The following ASTN1 variants were observed in gnomAD, a reference collection of about 807,000 sequenced individuals.
ASTN1 encodes the protein astrotactin-1.
Under a neutral mutation model 140.7 loss-of-function variants are expected in ASTN1, and 41 were observed. The observed-to-expected ratio is 0.29, with a 90% confidence interval of 0.23 to 0.38. ASTN1 has a LOEUF of 0.38. ASTN1 is among the 10% of genes least tolerant of loss of function. The pLI is 1.00. For synonymous variants in ASTN1, 640 were observed against 652.2 expected, an observed-to-expected ratio of 0.98 and a Z score of 0.29; for missense variants, 1,479 against 1,678.8, an observed-to-expected ratio of 0.88 and a Z score of 2.08.
chr1:177,073,720 G>C (rs938486538), intron 1 of ASTN1, among the ~76,000 whole-genome samples: 8 of 150,834 alleles, frequency 5.3e-5, no homozygotes, highest in Admixed American at 2.7e-4. Context: ...GCAGAAACAG[G>C]GAGGGTTCTA....
intron 16 of ASTN1, among the ~76,000 whole-genome samples, chr1:176,931,471 A>AAAAT (rs558409196): frequency 3.9e-5 from 6 of 152,206 alleles, no homozygotes. Context: ...TGTCTTTGAA[A>AAAAT]AAATAAATAA....
chr1:177,026,518 A>G (rs1333851728), intron 5 of ASTN1, among the ~76,000 whole-genome samples: 2 of 152,120 alleles, frequency 1.3e-5, no homozygotes, highest in South Asian at 2.1e-4. Flanking sequence ...TCTTTAGGGT[A>G]TGTTCCCAGC....
intron 20 of ASTN1, among the ~76,000 whole-genome samples, chr1:176,879,898 T>G (rs1668716240): frequency 6.6e-6 from 1 of 152,198 alleles, no homozygotes; most frequent in South Asian, 2.1e-4. Flanking sequence ...GCAGTCAGTT[T>G]ATTTCATCAT....
chr1:176,962,162 C>G (rs1214875301), intron 9 of ASTN1, among the ~76,000 whole-genome samples: 4 of 152,296 alleles, frequency 2.6e-5, no homozygotes. Context: ...TCTGTGGGAT[C>G]AATTTGGTCT....
chr1:177,055,140 G>A (rs552906957), intron 2 of ASTN1, among the ~76,000 whole-genome samples: 1 of 152,234 alleles, frequency 6.6e-6, no homozygotes, highest in Non-Finnish European at 1.5e-5. Flanking sequence ...TCCAAAAAGC[G>A]CAGCAAATTA....
At chr1:176,892,104 A>G (rs191745233) in intron 17 of ASTN1, among the ~76,000 whole-genome samples, 1 of 152,350 alleles carries the variant, frequency 6.6e-6, no homozygotes, top group Non-Finnish European at 1.5e-5. Context: ...ATTGGAGTGC[A>G]GAGTATAAGA....
chr1:177,122,055 C>A (rs576427509), intron 1 of ASTN1, among the ~76,000 whole-genome samples: 40 of 152,238 alleles, frequency 2.6e-4, no homozygotes, highest in Admixed American at 2.6e-3. Context: ...CTGCCACTAC[C>A]CTGGAGCACT....
intron 2 of ASTN1, among the ~76,000 whole-genome samples, chr1:177,041,639 T>G (rs1162383690): frequency 6.6e-6 from 1 of 152,234 alleles, no homozygotes; most frequent in Non-Finnish European, 1.5e-5. Context: ...CAGTAGGTGA[T>G]CTTGATGAAA....
chr1:177,098,261 C>T (rs1027979708), intron 1 of ASTN1, among the ~76,000 whole-genome samples: 1 of 151,448 alleles, frequency 6.6e-6, no homozygotes, highest in African/African-American at 2.4e-5. Flanking sequence ...TCACTGGACA[C>T]CCAGTTGGTG....
chr1:177,105,497 G>T (rs1680506230), intron 1 of ASTN1, among the ~76,000 whole-genome samples: 1 of 152,040 alleles, frequency 6.6e-6, no homozygotes, highest in East Asian at 1.9e-4. Flanking sequence ...TCTCCAGATA[G>T]ATGCTTATGA....
chr1:176,888,314 G>C (rs1448076450), intron 17 of ASTN1, 110 bp from the exon 18 acceptor site: 1 of 1,313,562 alleles, frequency 7.6e-7, no homozygotes, highest in African/African-American at 1.5e-5. Context: ...ACTTCCAGCA[G>C]CAGGTTGTGT....
chr1:177,156,228 C>A (rs1459251699), intron 1 of ASTN1, among the ~76,000 whole-genome samples: 1 of 151,430 alleles, frequency 6.6e-6, no homozygotes, highest in Non-Finnish European at 1.5e-5. Flanking sequence ...AGAGATTGCA[C>A]CACTGCACTC....
At chr1:176,939,603 C>A (rs569835821) in intron 14 of ASTN1, among the ~76,000 whole-genome samples, 17 of 152,000 alleles carry the variant, frequency 1.1e-4, no homozygotes, top group South Asian at 8.3e-4. Flanking sequence ...TCAAGGTGCC[C>A]TTGACAGGCA....
chr1:177,032,631 G>T lies in ASTN1; in HGVS notation c.690C>A (p.Thr230=). 4 of 1,614,190 alleles carry T rather than the reference G, an allele frequency of 2.5e-6. No homozygotes were observed. The highest frequency in any genetic ancestry group is 3.4e-6 in the Non-Finnish European group (4 of 1,180,036). The change falls in exon 3 of 23, where the codon ACC becomes ACA. Residue 230 remains threonine, a synonymous_variant. Transcript: ENST00000361833. ...GGATAGGTGTCTCCCGGATGCTCAG[G>T]GTGCCACTGGAGTTGTGGCCCTGCA... ...ARVQGHNSSG[T]LSIRETPILD... is the part of the protein sequence containing the mutation.
At chr1:176,963,854 T>C (rs1672766244) in intron 9 of ASTN1, among the ~76,000 whole-genome samples, 1 of 152,202 alleles carries the variant, frequency 6.6e-6, no homozygotes, top group East Asian at 1.9e-4. Flanking sequence ...GAAAGTTTAA[T>C]GCCCATGTCA....
chr1:176,914,876 A>G (rs1353056447), intron 16 of ASTN1, among the ~76,000 whole-genome samples: 1 of 152,234 alleles, frequency 6.6e-6, no homozygotes, highest in Non-Finnish European at 1.5e-5. Context: ...GAGGTTAAAG[A>G]GAAAACTTTC....
At chr1:176,992,419 A>T (rs1296910498) in intron 8 of ASTN1, among the ~76,000 whole-genome samples, 1 of 152,150 alleles carries the variant, frequency 6.6e-6, no homozygotes, top group African/African-American at 2.4e-5. Context: ...AAGAAAAAAA[A>T]AAAAATTTGC....
intron 16 of ASTN1, among the ~76,000 whole-genome samples, chr1:176,907,482 C>T (rs1426259821): frequency 6.6e-6 from 1 of 152,188 alleles, no homozygotes; most frequent in African/African-American, 2.4e-5. Context: ...CTGAACTGTC[C>T]TACAAGTAAC....
At chr1:177,033,188 C>A (rs1280684450) in intron 2 of ASTN1, among the ~76,000 whole-genome samples, 5 of 150,332 alleles carry the variant, frequency 3.3e-5, no homozygotes, top group Non-Finnish European at 5.9e-5. Flanking sequence ...CAGGGGAGAG[C>A]TTTTATGTAT....
Sources: allele counts gnomAD v4.1 joint callset (sites outside exome capture counted in the v4.1 genomes callset), GRCh38; gene constraint gnomAD v4.1.1; transcripts MANE v1.5; gene names NCBI Gene and HGNC (gene_info 2026-07-23, HGNC 2026-07-21).